Variants in GRIA3 observed in about 807,000 individuals in gnomAD.
GRIA3 encodes glutamate ionotropic receptor AMPA type subunit 3, also known as glutamate receptor 3.
A neutral mutation model predicts 63.0 loss-of-function variants in GRIA3; 3 were observed. That is an observed-to-expected ratio of 0.05 (90% CI 0.02 to 0.12). The LOEUF is 0.12. Ranked by LOEUF, GRIA3 falls within the 10% of genes least tolerant of loss-of-function variation. The pLI is 1.00. For synonymous variants in GRIA3, 274 were observed against 257.9 expected (o/e 1.06, Z -0.60); for missense variants, 347 against 700.9 (o/e 0.50, Z 5.70).
At chrX:123,358,822 C>A (rs2045149823) in intron 5 of GRIA3, 1 of 111,978 alleles carries the variant, frequency 8.9e-6, no homozygotes, top group East Asian at 2.8e-4. Flanking sequence ...GATCTGGATG[C>A]TTTACACTGC....
chrX:123,412,626 T>C (rs1372115917), intron 10 of GRIA3, among the ~76,000 whole-genome samples: 1 of 111,058 alleles, frequency 9.0e-6, no homozygotes, highest in Non-Finnish European at 1.9e-5. Flanking sequence ...AGGAGAAGAG[T>C]TGCTAAGTCT....
At chrX:123,479,891 G>T (rs1461817565) in intron 13 of GRIA3, among the ~76,000 whole-genome samples, 172 bp from the exon 14 acceptor site, 1 of 112,363 alleles carries the variant, frequency 8.9e-6, no homozygotes, top group Non-Finnish European at 1.9e-5. Flanking sequence ...ATATAGCGTT[G>T]CTGTAGTGTT....
intron 3 of GRIA3, among the ~76,000 whole-genome samples, chrX:123,291,927 C>T (rs2044658367): frequency 9.0e-6 from 1 of 111,391 alleles, no homozygotes; most frequent in Non-Finnish European, 1.9e-5. Flanking sequence ...ATTCACTGGG[C>T]ACCTACTAGG....
chrX:123,398,578 G>A, intron 6 of GRIA3, 58 bp from the exon 7 acceptor site: 3 of 999,243 alleles, frequency 3.0e-6, no homozygotes, highest in Non-Finnish European at 2.8e-6. Context: ...TAAGAAACAA[G>A]GCAAATTTTG....
chrX:123,250,204 C>T (rs1431071159), intron 2 of GRIA3, among the ~76,000 whole-genome samples: 1 of 110,951 alleles, frequency 9.0e-6, no homozygotes, highest in Non-Finnish European at 1.9e-5. Context: ...AGTAAGTTAC[C>T]AGTAATGTTA....
intron 4 of GRIA3, among the ~76,000 whole-genome samples, chrX:123,351,412 G>A (rs1329714763): frequency 1.8e-5 from 2 of 111,960 alleles, no homozygotes; most frequent in Non-Finnish European, 3.8e-5. Context: ...GCTGCTCCAC[G>A]TAAGTAAGAT....
chrX:123,359,027 T>C (rs758962968), intron 5 of GRIA3, among the ~76,000 whole-genome samples: 5 of 111,338 alleles, frequency 4.5e-5, no homozygotes, highest in Non-Finnish European at 9.4e-5. Context: ...ATCCCAAGAA[T>C]TCATCTAACT....
chrX:123,213,801 A>C (rs930232809), intron 2 of GRIA3, among the ~76,000 whole-genome samples: 4 of 111,845 alleles, frequency 3.6e-5, no homozygotes, highest in African/African-American at 1.3e-4. Flanking sequence ...GGCCAAATAA[A>C]GGGAAAAAAT....
intron 3 of GRIA3, among the ~76,000 whole-genome samples, chrX:123,318,375 C>T (rs2044846621): frequency 1.8e-5 from 2 of 112,178 alleles, no homozygotes; most frequent in East Asian, 2.8e-4. Flanking sequence ...TCTACTGCAT[C>T]GTCAGGCTGC....
At chrX:123,383,119 G>A (rs933000437) in intron 5 of GRIA3, among the ~76,000 whole-genome samples, 11 of 111,840 alleles carry the variant, frequency 9.8e-5, no homozygotes, top group Non-Finnish European at 2.1e-4. Context: ...GGTTAGGCAT[G>A]GTAAATGAAT....
At chrX:123,208,212 A>G (rs187844941) in intron 2 of GRIA3, among the ~76,000 whole-genome samples, 33 of 112,194 alleles carry the variant, frequency 2.9e-4, no homozygotes, top group African/African-American at 1.0e-3. Flanking sequence ...CTTACCAGGG[A>G]CTAAATGAAA....
At chrX:123,262,571 T>A (rs757836591) in intron 3 of GRIA3, among the ~76,000 whole-genome samples, 4 of 112,386 alleles carry the variant, frequency 3.6e-5, no homozygotes, top group Non-Finnish European at 7.5e-5. Context: ...TCTCTTACTA[T>A]GCCTAGATCA....
intron 4 of GRIA3, among the ~76,000 whole-genome samples, chrX:123,348,122 C>T (rs914269805): frequency 2.7e-5 from 3 of 111,982 alleles, no homozygotes; most frequent in Non-Finnish European, 3.8e-5. Flanking sequence ...CCATACAGTG[C>T]TTTCAGTATA....
intron 3 of GRIA3, among the ~76,000 whole-genome samples, chrX:123,293,175 C>A (rs1451696022): frequency 1.8e-5 from 2 of 110,191 alleles, no homozygotes; most frequent in Non-Finnish European, 3.8e-5. Context: ...AGAGAGTGAA[C>A]CAAAGAGAAG....
At chrX:123,210,309 C>G (rs1327907707) in intron 2 of GRIA3, among the ~76,000 whole-genome samples, 1 of 109,683 alleles carries the variant, frequency 9.1e-6, no homozygotes, top group East Asian at 2.9e-4. Flanking sequence ...ACTAATCTAC[C>G]AACATTTCTC....
At chrX:123,471,722 T>G (rs2045863247) in intron 13 of GRIA3, among the ~76,000 whole-genome samples, 1 of 109,197 alleles carries the variant, frequency 9.2e-6, no homozygotes, top group African/African-American at 3.3e-5. Context: ...CATGAAAAAT[T>G]TGATGCAATT....
chrX:123,323,760 G>A (rs1046665305), intron 3 of GRIA3, among the ~76,000 whole-genome samples: 1 of 112,022 alleles, frequency 8.9e-6, no homozygotes, highest in Non-Finnish European at 1.9e-5. Context: ...AAGCAAATTG[G>A]AATGGAAGAA....
intron 3 of GRIA3, among the ~76,000 whole-genome samples, chrX:123,306,986 C>T (rs1286426198): frequency 8.9e-6 from 1 of 111,786 alleles, no homozygotes; most frequent in African/African-American, 3.3e-5. Context: ...GGAGGTTTGT[C>T]CAAATGTCTG....
intron 13 of GRIA3, among the ~76,000 whole-genome samples, chrX:123,475,794 G>T (rs1401417983): frequency 9.0e-6 from 1 of 111,422 alleles, no homozygotes; most frequent in East Asian, 2.8e-4. Context: ...GGTCCCTAAA[G>T]GAAAATAAAG....
Sources: gnomAD v4.1 joint callset for allele counts (sites outside exome capture counted in the v4.1 genomes callset) on GRCh38, gnomAD v4.1.1 for gene constraint, MANE v1.5 for transcripts, NCBI Gene and HGNC (gene_info 2026-07-23, HGNC 2026-07-21) for gene names.